NPRL3: variants seen among roughly 807,000 people sequenced by gnomAD.
NPRL3 encodes GATOR1 complex protein NPRL3.
Under a neutral mutation model 57.2 loss-of-function variants are expected in NPRL3, and 23 were observed. The ratio of observed to expected loss-of-function variants is 0.40; its 90% CI spans 0.29 to 0.57. NPRL3 has a LOEUF of 0.57. Ranked by LOEUF, NPRL3 falls within the 20% of genes least tolerant of loss-of-function variation. NPRL3 has a pLI of 0.42. For synonymous variants in NPRL3, 333 were observed against 321.1 expected (o/e 1.04, Z -0.39); for missense variants, 691 against 767.1 (o/e 0.90, Z 1.17).
intron 7 of NPRL3, among the ~76,000 whole-genome samples, chr16:110,124 C>G (rs1332651666): frequency 6.6e-6 from 1 of 152,112 alleles, no homozygotes; most frequent in South Asian, 2.1e-4. Context: ...ACACAACTAG[C>G]CGGGTGTGGT....
intron 11 of NPRL3, 28 bp from the exon 12 acceptor site, chr16:89,930 C>T: frequency 6.5e-7 from 1 of 1,531,322 alleles, no homozygotes; most frequent in Non-Finnish European, 8.8e-7. Context: ...TGAGGCTGGT[C>T]CCCCTCCCCA....
chr16:134,250 C>G (rs1052668119), intron 2 of NPRL3, among the ~76,000 whole-genome samples: 1 of 151,876 alleles, frequency 6.6e-6, no homozygotes, highest in African/African-American at 2.4e-5. Context: ...CACACCCCCT[C>G]ACAGTGTGGG....
chr16:127,654 AT>A (rs555123884), intron 3 of NPRL3, among the ~76,000 whole-genome samples: 4,643 of 139,822 alleles, frequency 0.033, 97 homozygotes, highest in East Asian at 0.067. Flanking sequence ...GAGCAAGTGA[AT>A]TTTTTTTTTT....
chr16:88,934 C>T (rs1898632119), intron 12 of NPRL3, 44 bp from the exon 13 acceptor site: 3 of 1,576,202 alleles, frequency 1.9e-6, no homozygotes, highest in East Asian at 2.3e-5. Flanking sequence ...AATTCCAGGA[C>T]ACCCAGGGGA....
chr16:106,514 G>A (rs193043705), intron 7 of NPRL3, among the ~76,000 whole-genome samples: 1 of 150,802 alleles, frequency 6.6e-6, no homozygotes, highest in African/African-American at 2.4e-5. Flanking sequence ...GGTGCCTATA[G>A]TCCCAGCTAC....
chr16:89,928 G>C, intron 11 of NPRL3, 26 bp from the exon 12 acceptor site: 1 of 1,535,094 alleles, frequency 6.5e-7, no homozygotes. Context: ...GGTGAGGCTG[G>C]TCCCCCTCCC....
chr16:87,662 C>T (rs2020971), intron 13 of NPRL3, among the ~76,000 whole-genome samples: 101,880 of 151,280 alleles, frequency 0.67, 37,588 homozygotes, highest in Non-Finnish European at 0.81. Flanking sequence ...CTCCGCCTCC[C>T]GCCTTCAGGC....
At position 93,276 on chromosome 16, in the gene NPRL3, A is replaced by G. The variant is rs1323377923; in HGVS notation, c.974T>C (p.Ile325Thr). The part of the protein sequence containing the change: ...HLVYWGKAII[I>T]YPLCENNVYM... ...GACGTTGTTCTCACACAGCGGGTAG[A>G]TGATGATGGCCTTGCCCCAGTACAC... is the stretch of plus-strand genomic sequence containing the variant. Residue 325 changes from isoleucine (I) to threonine (T), a missense_variant, in exon 10 of 14, where the codon ATC becomes ACC. Physicochemically the swap from Ile to Thr is moderately conservative, Grantham distance 89. Transcript: ENST00000611875. The G allele has an allele frequency of 6.4e-7, 1 of 1,561,472 alleles. No homozygotes were observed. The highest frequency in any genetic ancestry group is 8.7e-7 in the Non-Finnish European group (1 of 1,152,714).
chr16:135,052 G>T (rs1371629064), intron 2 of NPRL3, among the ~76,000 whole-genome samples: 1 of 152,086 alleles, frequency 6.6e-6, no homozygotes, highest in Non-Finnish European at 1.5e-5. Context: ...GAGGAGATAA[G>T]AAAGACAAAA....
chr16:96,082 C>T (rs1898992995), intron 9 of NPRL3, among the ~76,000 whole-genome samples: 3 of 152,184 alleles, frequency 2.0e-5, no homozygotes, highest in Admixed American at 2.0e-4. Flanking sequence ...TCCCTCTCCC[C>T]AGTCAAGGCC....
chr16:136,687 C>CA (rs78093894), intron 2 of NPRL3, among the ~76,000 whole-genome samples: 10,064 of 84,830 alleles, frequency 0.12, 818 homozygotes, highest in African/African-American at 0.28. Context: ...AGACTCGTCT[C>CA]AAAAAAAAAA....
intron 3 of NPRL3, among the ~76,000 whole-genome samples, chr16:120,633 GT>G (rs1164407225): frequency 6.6e-6 from 1 of 152,062 alleles, no homozygotes; most frequent in African/African-American, 2.4e-5. Flanking sequence ...AAACCTATTT[GT>G]GCCATTTGGA....
chr16:105,301 T>C (rs1030607539), intron 7 of NPRL3, among the ~76,000 whole-genome samples: 2 of 152,174 alleles, frequency 1.3e-5, no homozygotes, highest in Non-Finnish European at 2.9e-5. Flanking sequence ...TGAGAAAGCA[T>C]CCATTCCTAA....
intron 7 of NPRL3, among the ~76,000 whole-genome samples, chr16:106,433 G>A (rs954709699): frequency 6.6e-6 from 1 of 152,042 alleles, no homozygotes; most frequent in Non-Finnish European, 1.5e-5. Flanking sequence ...AGGAATTCAA[G>A]ATCAGCCAGG....
chr16:111,325 A>G (rs1383055527), intron 6 of NPRL3, among the ~76,000 whole-genome samples: 3 of 152,142 alleles, frequency 2.0e-5, no homozygotes, highest in Non-Finnish European at 1.5e-5. Context: ...GCGTGAACCC[A>G]GGAGATGGAG....
chr16:120,053 G>A (rs975437029), intron 3 of NPRL3, among the ~76,000 whole-genome samples: 2 of 152,152 alleles, frequency 1.3e-5, no homozygotes, highest in Non-Finnish European at 2.9e-5. Context: ...CTGGATAAGG[G>A]AGTGTCACCT....
intron 3 of NPRL3, among the ~76,000 whole-genome samples, chr16:127,514 C>A (rs535421606): frequency 2.0e-5 from 3 of 152,318 alleles, no homozygotes; most frequent in Admixed American, 1.3e-4. Context: ...GGATTACAGG[C>A]ATGAGCTACC....
At chr16:105,919 A>G (rs1474875807) in intron 7 of NPRL3, among the ~76,000 whole-genome samples, 2 of 152,172 alleles carry the variant, frequency 1.3e-5, no homozygotes, top group East Asian at 3.9e-4. Flanking sequence ...TGGCCTCCTG[A>G]GCGATTCACA....
intron 3 of NPRL3, chr16:125,682 C>T (rs1900485472): frequency 6.6e-6 from 1 of 152,274 alleles, no homozygotes; most frequent in Admixed American, 6.5e-5. Context: ...AAACTTGGAA[C>T]CCTGAACCTG....
Sources: gnomAD v4.1 joint callset for allele counts (sites outside exome capture counted in the v4.1 genomes callset) on GRCh38, gnomAD v4.1.1 for gene constraint, MANE v1.5 for transcripts, NCBI Gene and HGNC (gene_info 2026-07-23, HGNC 2026-07-21) for gene names.